EFNA5: variants seen among roughly 807,000 people sequenced by gnomAD.
The protein encoded by EFNA5 is ephrin-A5.
EFNA5 carries 5 observed loss-of-function variants against 22.9 expected under a neutral mutation model. The observed-to-expected ratio is 0.22, with a 90% CI of 0.11 to 0.46. The LOEUF (loss-of-function observed/expected upper bound fraction) is 0.46. EFNA5 is among the 20% of genes least tolerant of loss of function. The probability of loss-of-function intolerance (pLI) is 0.99; values close to 1 mark genes in which losing one functional copy is unlikely to be tolerated. For synonymous variants in EFNA5, 113 were observed against 112.2 expected (o/e 1.01, Z -0.04); for missense variants, 237 against 293.3 (o/e 0.81, Z 1.40).
intron 1 of EFNA5, among the ~76,000 whole-genome samples, chr5:107,582,793 T>C (rs975786605): frequency 6.6e-6 from 1 of 152,118 alleles, no homozygotes; most frequent in Non-Finnish European, 1.5e-5. Flanking sequence ...TTTTTTCCCT[T>C]TTTCTGTTCC....
At chr5:107,595,525 G>A (rs1749454729) in intron 1 of EFNA5, among the ~76,000 whole-genome samples, 1 of 152,092 alleles carries the variant, frequency 6.6e-6, no homozygotes, top group Non-Finnish European at 1.5e-5. Context: ...TACAGAAAAA[G>A]AAGCAATAAC....
chr5:107,444,761 C>G (rs188189051), intron 1 of EFNA5, among the ~76,000 whole-genome samples: 2 of 152,096 alleles, frequency 1.3e-5, no homozygotes, highest in Admixed American at 1.3e-4. Flanking sequence ...GTAAAATTTT[C>G]TTTACTATGA....
chr5:107,654,023 C>A (rs1484988486), intron 1 of EFNA5, among the ~76,000 whole-genome samples: 1 of 152,086 alleles, frequency 6.6e-6, no homozygotes, highest in Non-Finnish European at 1.5e-5. Flanking sequence ...TACCAAACCC[C>A]ATGAATTAAG....
chr5:107,473,423 A>G (rs1580475676), intron 1 of EFNA5, among the ~76,000 whole-genome samples: 1 of 152,086 alleles, frequency 6.6e-6, no homozygotes, highest in African/African-American at 2.4e-5. Flanking sequence ...CTTTTCATAT[A>G]CACACCAAGA....
At chr5:107,458,290 C>G (rs894908005) in intron 1 of EFNA5, among the ~76,000 whole-genome samples, 5 of 152,096 alleles carry the variant, frequency 3.3e-5, no homozygotes, top group African/African-American at 4.8e-5. Context: ...CTATGTATCA[C>G]CTTGGACTGT....
chr5:107,401,238 C>T (rs1431042508), intron 2 of EFNA5, among the ~76,000 whole-genome samples: 1 of 152,182 alleles, frequency 6.6e-6, no homozygotes, highest in Non-Finnish European at 1.5e-5. Context: ...GCTGACTCCA[C>T]ATGTCACACA....
intron 1 of EFNA5, among the ~76,000 whole-genome samples, chr5:107,540,749 C>G (rs1033687887): frequency 6.6e-6 from 1 of 152,128 alleles, no homozygotes; most frequent in Non-Finnish European, 1.5e-5. Flanking sequence ...AGTGAGAAAG[C>G]CTAATTCTGG....
At chr5:107,524,796 C>G (rs1747661430) in intron 1 of EFNA5, among the ~76,000 whole-genome samples, 1 of 152,154 alleles carries the variant, frequency 6.6e-6, no homozygotes, top group Non-Finnish European at 1.5e-5. Flanking sequence ...ATCTATCCAC[C>G]TTTGCCTATA....
chr5:107,660,916 C>G (rs878934947), intron 1 of EFNA5, among the ~76,000 whole-genome samples: 33 of 152,066 alleles, frequency 2.2e-4, no homozygotes, highest in Admixed American at 1.2e-3. Flanking sequence ...ATAAACGGAG[C>G]TCCCGCCAGA....
At chr5:107,650,412 ACT>A (rs1750705688) in intron 1 of EFNA5, among the ~76,000 whole-genome samples, 1 of 152,122 alleles carries the variant, frequency 6.6e-6, no homozygotes, top group Admixed American at 6.5e-5. Flanking sequence ...TGGCTGTTAA[ACT>A]CTATGGCAAG....
chr5:107,469,803 C>G (rs1040668637), intron 1 of EFNA5, among the ~76,000 whole-genome samples: 5 of 152,126 alleles, frequency 3.3e-5, no homozygotes, highest in Non-Finnish European at 7.4e-5. Context: ...CATGCACACA[C>G]AAATACCAGA....
chr5:107,443,580 T>C (rs1749316447), intron 1 of EFNA5, among the ~76,000 whole-genome samples: 1 of 152,268 alleles, frequency 6.6e-6, no homozygotes, highest in African/African-American at 2.4e-5. Context: ...TTTCAACATC[T>C]GAAAAATTCT....
At chr5:107,479,536 G>A (rs1750399239) in intron 1 of EFNA5, among the ~76,000 whole-genome samples, 1 of 151,946 alleles carries the variant, frequency 6.6e-6, no homozygotes, top group African/African-American at 2.4e-5. Context: ...TGGGTTTTGA[G>A]GTTACTCGAG....
At chr5:107,459,367 G>C (rs574475925) in intron 1 of EFNA5, among the ~76,000 whole-genome samples, 6 of 127,870 alleles carry the variant, frequency 4.7e-5, no homozygotes, top group African/African-American at 1.6e-4. Context: ...AAAATCAATT[G>C]GAACACATGA....
chr5:107,439,894 G>T (rs1749211648), intron 1 of EFNA5, among the ~76,000 whole-genome samples: 1 of 152,162 alleles, frequency 6.6e-6, no homozygotes. Context: ...ATTGTATTAA[G>T]TGCATTCTAG....
chr5:107,557,670 A>T (rs940359969), intron 1 of EFNA5, among the ~76,000 whole-genome samples: 3 of 152,246 alleles, frequency 2.0e-5, no homozygotes, highest in African/African-American at 7.2e-5. Context: ...GGATTTAAAA[A>T]GAGGCTCTAA....
intron 1 of EFNA5, among the ~76,000 whole-genome samples, chr5:107,568,945 G>A (rs1021277641): frequency 1.3e-5 from 2 of 152,108 alleles, no homozygotes; most frequent in Admixed American, 6.5e-5. Flanking sequence ...AAAGAACAAT[G>A]TCAGGACAGC....
intron 1 of EFNA5, among the ~76,000 whole-genome samples, chr5:107,606,963 C>A (rs560764417): frequency 6.6e-5 from 10 of 152,166 alleles, no homozygotes; most frequent in African/African-American, 1.9e-4. Flanking sequence ...TTCTCCTATC[C>A]TAAGGGGATT....
chr5:107,630,069 G>GA (rs201014361), intron 1 of EFNA5, among the ~76,000 whole-genome samples: 167 of 148,880 alleles, frequency 1.1e-3, no homozygotes, highest in African/African-American at 3.9e-3. Flanking sequence ...AAAAAAAAAA[G>GA]AAAAAAAAAT....
Sources: gnomAD v4.1 joint callset for allele counts (sites outside exome capture counted in the v4.1 genomes callset) on GRCh38, gnomAD v4.1.1 for gene constraint, MANE v1.5 for transcripts, NCBI Gene and HGNC (gene_info 2026-07-23, HGNC 2026-07-21) for gene names.